Variants in WDHD1 observed in about 807,000 individuals in gnomAD.
The protein encoded by WDHD1 is WD repeat and HMG-box DNA-binding protein 1.
WDHD1 carries 111 observed loss-of-function variants against 135.4 expected under a neutral mutation model. The ratio of observed to expected loss-of-function variants is 0.82; its 90% CI spans 0.70 to 0.96. The LOEUF (loss-of-function observed/expected upper bound fraction) is 0.96. Ranked by LOEUF, WDHD1 falls within the 40% of genes least tolerant of loss-of-function variation. The pLI, the probability that WDHD1 is intolerant of heterozygous loss-of-function variation, is 0.00. For missense variants in WDHD1, 1,351 were observed against 1,336.3 expected (o/e 1.01, Z -0.17); for synonymous variants, 434 against 439.0 (o/e 0.99, Z 0.14).
Position 55,000,573 on chromosome 14 carries a change from G to A in WDHD1, c.872C>T (p.Thr291Ile). The A allele has an allele frequency of 1.2e-6, 2 of 1,608,330 alleles. No homozygotes were observed. Among genetic ancestry groups the A allele is most frequent in the Non-Finnish European group, 1.7e-6 (2 of 1,177,156 alleles). Reference protein sequence around the residue: ...WHPTCGRISYTDAEGNLGLLE... With the variant: ...WHPTCGRISYIDAEGNLGLLE... ...AAGCCCTAGATTTCCTTCCGCATCA[G>A]TATACGATATTCGACCACAAGTAGG... The change falls in exon 10 of 26, where the codon ACT becomes ATT. Residue 291 changes from threonine (T) to isoleucine (I), a missense_variant. By Grantham distance (89) the Thr-to-Ile change is moderately conservative. Transcript: ENST00000360586.
chr14:54,963,936 A>G (rs889944480), intron 18 of WDHD1, among the ~76,000 whole-genome samples: 2 of 149,966 alleles, frequency 1.3e-5, no homozygotes, highest in Non-Finnish European at 3.0e-5. Flanking sequence ...ACACAGTGAG[A>G]CCCTATAACT....
intron 13 of WDHD1, among the ~76,000 whole-genome samples, chr14:54,988,536 G>A (rs773387167): frequency 1.2e-4 from 18 of 152,070 alleles, no homozygotes; most frequent in Non-Finnish European, 2.5e-4. Flanking sequence ...GCATTTTATT[G>A]TAAATAAATT....
chr14:55,008,317 T>C lies in WDHD1; in HGVS notation c.503A>G (p.Gln168Arg), dbSNP rs1219398837. 3 of 1,613,112 alleles carry C rather than the reference T, an allele frequency of 1.9e-6. No homozygotes were observed. Among genetic ancestry groups the C allele is most frequent in the Middle Eastern group, 1.6e-4 (1 of 6,080 alleles). The change falls in exon 6 of 26, where the codon CAG becomes CGG. Residue 168 changes from glutamine to arginine, a missense_variant and splice_region_variant. Gln to Arg is a conservative substitution (Grantham distance 43). Transcript: ENST00000360586. ...TTAAATTTAAATTGCTGAGTTTACC[T>C]GATCTGAAATTTGCCACACTCTGAC... ...GSVRVWQISD[Q>R]TCAISWPLLQ... is the part of the protein sequence containing the mutation.
At chr14:55,020,119 ATTC>A (rs956233498) in intron 2 of WDHD1, among the ~76,000 whole-genome samples, 37 of 152,260 alleles carry the variant, frequency 2.4e-4, no homozygotes, top group African/African-American at 8.7e-4. Flanking sequence ...CTTTCTGGTC[ATTC>A]TTCTGGGGTC....
intron 6 of WDHD1, 104 bp from the exon 7 acceptor site, chr14:55,007,479 A>C: frequency 3.8e-6 from 3 of 786,424 alleles, no homozygotes; most frequent in Non-Finnish European, 5.8e-6. Context: ...TATATATCTC[A>C]GAAAAATGCA....
intron 16 of WDHD1, among the ~76,000 whole-genome samples, chr14:54,967,691 G>A (rs2041367611): frequency 6.6e-6 from 1 of 152,028 alleles, no homozygotes; most frequent in African/African-American, 2.4e-5. Flanking sequence ...TGTGATCACG[G>A]CTCACTGAAG....
chr14:54,981,487 T>A, intron 16 of WDHD1, 53 bp downstream of exon 16: 1 of 1,563,600 alleles, frequency 6.4e-7, no homozygotes, highest in African/African-American at 1.4e-5. Flanking sequence ...ATAAAAAGAA[T>A]TTCAACATAC....
intron 15 of WDHD1, among the ~76,000 whole-genome samples, chr14:54,982,187 T>C (rs1012387951): frequency 1.3e-5 from 2 of 151,862 alleles, no homozygotes; most frequent in Non-Finnish European, 2.9e-5. Context: ...TTTTTTGTAT[T>C]TTTAGTAGAG....
chr14:54,958,128 A>ATTT (rs35354246), intron 21 of WDHD1, among the ~76,000 whole-genome samples: 1 of 139,952 alleles, frequency 7.1e-6, no homozygotes, highest in Non-Finnish European at 1.6e-5. Flanking sequence ...CCATCCAGCC[A>ATTT]TTTTTTTTTT....
chr14:54,956,236 T>C (rs1025141322), intron 23 of WDHD1, among the ~76,000 whole-genome samples: 11 of 152,126 alleles, frequency 7.2e-5, no homozygotes, highest in African/African-American at 1.7e-4. Context: ...TAAATACGAA[T>C]ATACATCAGA....
chr14:54,950,523 G>T (rs1040102015), intron 24 of WDHD1, among the ~76,000 whole-genome samples: 2 of 152,120 alleles, frequency 1.3e-5, no homozygotes, highest in East Asian at 1.9e-4. Context: ...CCTACAAAGA[G>T]ACTTAGACTC....
At chr14:55,024,054 G>T (rs2042392638) in intron 2 of WDHD1, among the ~76,000 whole-genome samples, 1 of 151,824 alleles carries the variant, frequency 6.6e-6, no homozygotes, top group South Asian at 2.1e-4. Context: ...TAGGCTACAT[G>T]GTTCGTCTGC....
rs1187827225 is a variant in WDHD1, at chr14:55,017,151, C to T, written c.78-3555G>A. Among the ~76,000 whole-genome samples the T allele has an allele frequency of 3.9e-5, 6 of 152,104 alleles. No homozygotes were observed. The East Asian group carries it at 1.2e-3, about 29-fold the overall frequency. On this transcript the variant is annotated intron_variant, in intron 2 of 25. Coordinates refer to ENST00000360586, the MANE Select transcript of WDHD1 (RefSeq NM_007086.4). ...CTAAATTTATTTGAAAAGTTTAACACTAATGATAAAATTCTTAATTTTTAC... is the reference window on the plus strand; with the variant it reads ...CTAAATTTATTTGAAAAGTTTAACATTAATGATAAAATTCTTAATTTTTAC...
chr14:55,014,027 T>A (rs1469266176), intron 2 of WDHD1, among the ~76,000 whole-genome samples: 1 of 152,246 alleles, frequency 6.6e-6, no homozygotes, highest in Non-Finnish European at 1.5e-5. Context: ...TTTATACACT[T>A]AAACTTTAAA....
chr14:54,970,769 A>C (rs1326340576), intron 16 of WDHD1, among the ~76,000 whole-genome samples: 1 of 152,210 alleles, frequency 6.6e-6, no homozygotes, highest in African/African-American at 2.4e-5. Flanking sequence ...GGAACCAAAA[A>C]AGAGCCCAAA....
chr14:54,995,568 A>G (rs1412155455), intron 11 of WDHD1, 35 bp downstream of exon 11: 8 of 1,477,860 alleles, frequency 5.4e-6, no homozygotes, highest in Non-Finnish European at 7.3e-6. Flanking sequence ...ATATTAATCA[A>G]CAGGGTAATC....
At chr14:55,018,018 C>T (rs767517768) in intron 2 of WDHD1, among the ~76,000 whole-genome samples, 10 of 152,008 alleles carry the variant, frequency 6.6e-5, no homozygotes, top group Non-Finnish European at 1.3e-4. Flanking sequence ...GCGCACAAAC[C>T]GATGTTAATT....
At position 55,016,818 on chromosome 14, in the gene WDHD1, T is replaced by C. The variant is rs183143201; in HGVS notation, c.78-3222A>G. 2.5e-3 allele frequency among the ~76,000 whole-genome samples: 384 copies of C among 152,378 alleles called. 3 individuals are homozygous for C. The highest frequency in any genetic ancestry group is 8.9e-3 in the African/African-American group (370 of 41,586). ...GTTCTAAAATAATTTTGTTCATTTTTCATTCCAAGTTTTCTGGTGCAAGCA... is the reference window on the plus strand; with the variant it reads ...GTTCTAAAATAATTTTGTTCATTTTCCATTCCAAGTTTTCTGGTGCAAGCA... On this transcript the variant is annotated intron_variant, in intron 2 of 25. Coordinates refer to ENST00000360586, the MANE Select transcript of WDHD1 (RefSeq NM_007086.4).
chr14:55,015,124 C>T (rs112760614), intron 2 of WDHD1, among the ~76,000 whole-genome samples: 2 of 152,238 alleles, frequency 1.3e-5, no homozygotes, highest in African/African-American at 4.8e-5. Context: ...ACTGGCCTGG[C>T]ATTGTCCAGG....
Sources: allele counts gnomAD v4.1 joint callset (sites outside exome capture counted in the v4.1 genomes callset), GRCh38; gene constraint gnomAD v4.1.1; transcripts MANE v1.5; gene names NCBI Gene and HGNC (gene_info 2026-07-23, HGNC 2026-07-21).